The following CSMD3 variants were observed in gnomAD, a reference collection of about 807,000 sequenced individuals.
CSMD3 encodes CUB and sushi domain-containing protein 3.
CSMD3 carries 177 observed loss-of-function variants against 435.2 expected under a neutral mutation model. The observed-to-expected ratio is 0.41, with a 90% confidence interval of 0.36 to 0.46. The LOEUF is 0.46. CSMD3 is among the 20% of genes least tolerant of loss of function. The pLI is 0.34. For synonymous variants in CSMD3, 1,656 were observed against 1,520.5 expected (o/e 1.09, Z -2.07); for missense variants, 4,265 against 4,504.6 (o/e 0.95, Z 1.52).
intron 13 of CSMD3, among the ~76,000 whole-genome samples, chr8:112,798,929 T>C (rs771078710): frequency 6.6e-6 from 1 of 151,670 alleles, no homozygotes; most frequent in Non-Finnish European, 1.5e-5. Flanking sequence ...GGATCTGTAC[T>C]CCAAATCAGC....
At position 112,945,005 on chromosome 8, in the gene CSMD3, C is replaced by T. The variant is rs547558341; in HGVS notation, c.1508+2785G>A. Among the ~76,000 whole-genome samples the T allele has an allele frequency of 9.9e-5, 15 of 151,760 alleles. No individual in the cohort carries two copies. The South Asian group carries it at 3.1e-3, about 31-fold the overall frequency. On this transcript the variant is annotated intron_variant, in intron 9 of 70. Coordinates refer to ENST00000297405, the MANE Select transcript of CSMD3 (RefSeq NM_198123.2). ...AATTTCAATTATGTTCAACTAATCA[C>T]TTAACATATCTGCCTAGAAATCTCT...
At chr8:112,649,081 G>A (rs930435145) in intron 19 of CSMD3, among the ~76,000 whole-genome samples, 1 of 152,098 alleles carries the variant, frequency 6.6e-6, no homozygotes, top group Non-Finnish European at 1.5e-5. Context: ...TTCCTCATAC[G>A]GAAAAAGCCT....
intron 5 of CSMD3, among the ~76,000 whole-genome samples, chr8:113,084,632 A>C (rs2089688498): frequency 6.6e-6 from 1 of 150,928 alleles, no homozygotes; most frequent in Admixed American, 6.6e-5. Flanking sequence ...CAAAAAAAAA[A>C]AAAAAACCCA....
chr8:112,873,432 A>G (rs1202985412), intron 10 of CSMD3, among the ~76,000 whole-genome samples: 9 of 152,138 alleles, frequency 5.9e-5, no homozygotes, highest in African/African-American at 2.2e-4. Flanking sequence ...CCTTCATCAG[A>G]AATATTGTCT....
At chr8:112,957,032 T>C (rs758733733) in intron 7 of CSMD3, among the ~76,000 whole-genome samples, 1 of 152,120 alleles carries the variant, frequency 6.6e-6, no homozygotes, top group Non-Finnish European at 1.5e-5. Flanking sequence ...TTTAGCTGTT[T>C]ATATTTTTAA....
chr8:112,560,343 C>T (rs551126083), intron 24 of CSMD3, among the ~76,000 whole-genome samples: 6 of 151,750 alleles, frequency 4.0e-5, no homozygotes, highest in Admixed American at 2.6e-4. Flanking sequence ...TTTTGTATAG[C>T]TGAAATTCTT....
At chr8:113,377,955 C>T in intron 1 of CSMD3, among the ~76,000 whole-genome samples, 1 of 152,074 alleles carries the variant, frequency 6.6e-6, no homozygotes, top group East Asian at 1.9e-4. Flanking sequence ...TCAAAATGGT[C>T]ATATAAGTTT....
intron 3 of CSMD3, among the ~76,000 whole-genome samples, chr8:113,272,425 G>C (rs921771656): frequency 3.9e-5 from 6 of 152,102 alleles, no homozygotes; most frequent in Admixed American, 1.3e-4. Context: ...TCTTGTGGTA[G>C]TGAATAAGTC....
At chr8:113,171,999 T>C (rs568372930) in intron 4 of CSMD3, among the ~76,000 whole-genome samples, 9 of 152,166 alleles carry the variant, frequency 5.9e-5, no homozygotes, top group Non-Finnish European at 8.8e-5. Flanking sequence ...GTTCATCTCT[T>C]ATAATACCAT....
At chr8:112,506,235 G>T (rs1822502255) in intron 29 of CSMD3, among the ~76,000 whole-genome samples, 1 of 152,074 alleles carries the variant, frequency 6.6e-6, no homozygotes, top group Non-Finnish European at 1.5e-5. Context: ...ACTGGCCTCA[G>T]TACGTTAGAA....
Position 112,652,143 on chromosome 8 carries a change from A to G in CSMD3, c.3005-1794T>C, listed in dbSNP as rs147476019. Reference sequence around the variant, plus strand: ...GTTCAAAGTCGTCACCCTGAAAATTAAGATTCCCAAATTAGACTTTACTAT... The same window carrying G: ...GTTCAAAGTCGTCACCCTGAAAATTGAGATTCCCAAATTAGACTTTACTAT... On this transcript the variant is annotated intron_variant, in intron 18 of 70. Transcript: ENST00000297405. Among the ~76,000 whole-genome samples, 90 of 152,308 alleles carry G rather than the reference A, an allele frequency of 5.9e-4. 1 individual carries two copies. The South Asian group carries it at 6.2e-3, about 11-fold the overall frequency.
At chr8:112,330,378 T>C (rs1051979528) in intron 45 of CSMD3, among the ~76,000 whole-genome samples, 14 of 152,026 alleles carry the variant, frequency 9.2e-5, no homozygotes, top group African/African-American at 3.1e-4. Context: ...GCTAAGAAAA[T>C]CTTCCACTTA....
intron 9 of CSMD3, among the ~76,000 whole-genome samples, chr8:112,944,271 G>C (rs2130781785): frequency 6.6e-6 from 1 of 151,596 alleles, no homozygotes; most frequent in Non-Finnish European, 1.5e-5. Flanking sequence ...AAAATATGTA[G>C]GCCTAGCAGC....
In CSMD3 at chr8:112,525,802, A is replaced by G. The variant is rs1824863540; in HGVS notation, c.4565-8577T>C. ...TGTGTGTGTATATATATATGTATAT[A>G]TATATATACACACACATATAAAAAA... On this transcript the variant is annotated intron_variant, in intron 27 of 70. Coordinates refer to ENST00000297405, the MANE Select transcript of CSMD3 (RefSeq NM_198123.2). 3.0e-4 allele frequency among the ~76,000 whole-genome samples: 39 copies of G among 129,412 alleles called. No homozygotes were observed. The South Asian group carries it at 8.9e-3, about 29-fold the overall frequency. 84.9% of individuals were successfully genotyped at this position (129,412 alleles called of 152,430 possible).
intron 1 of CSMD3, among the ~76,000 whole-genome samples, chr8:113,370,247 G>C (rs2094338950): frequency 6.6e-6 from 1 of 151,082 alleles, no homozygotes; most frequent in Non-Finnish European, 1.5e-5. Context: ...GCTCACAAAA[G>C]GAAAAAGATA....
chr8:112,929,607 A>G (rs182554676), intron 9 of CSMD3, among the ~76,000 whole-genome samples: 204 of 152,172 alleles, frequency 1.3e-3, no homozygotes, highest in Non-Finnish European at 2.6e-3. Context: ...TAGATCTTCA[A>G]TTCTACATAA....
At chr8:112,612,185 A>T (rs1833308365) in intron 22 of CSMD3, among the ~76,000 whole-genome samples, 1 of 152,226 alleles carries the variant, frequency 6.6e-6, no homozygotes, top group East Asian at 1.9e-4. Flanking sequence ...TTCCTGAGAA[A>T]AAAATCTCAT....
intron 4 of CSMD3, among the ~76,000 whole-genome samples, chr8:113,117,046 T>C (rs1034446893): frequency 6.6e-6 from 1 of 152,190 alleles, no homozygotes. Flanking sequence ...ACCCATTTTC[T>C]GAAAAGAGAT....
In CSMD3 at chr8:113,216,733, C is replaced by T. The variant is rs76779092; in HGVS notation, c.515-42817G>A. 8.3e-3 allele frequency among the ~76,000 whole-genome samples: 1,262 copies of T among 151,896 alleles called. 17 individuals carry two copies. The highest frequency in any genetic ancestry group is 0.028 in the African/African-American group (1,182 of 41,496). On this transcript the variant is annotated intron_variant, in intron 3 of 70. Transcript: ENST00000297405. Reference sequence around the variant, plus strand: ...CTTTCGTTGGCATATGGAGATGGTGCCCATGCAGAGTATCTGGCTCCTTTT... The same window carrying T: ...CTTTCGTTGGCATATGGAGATGGTGTCCATGCAGAGTATCTGGCTCCTTTT...
Sources: gnomAD v4.1 joint callset for allele counts (sites outside exome capture counted in the v4.1 genomes callset) on GRCh38, gnomAD v4.1.1 for gene constraint, MANE v1.5 for transcripts, NCBI Gene and HGNC (gene_info 2026-07-23, HGNC 2026-07-21) for gene names.